The following DNAJC25 variants were observed in gnomAD, a reference collection of about 807,000 sequenced individuals.
DNAJC25 encodes the protein DnaJ heat shock protein family (Hsp40) member C25, also known as dnaJ homolog subfamily C member 25.
In DNAJC25, 26 loss-of-function variants were observed where a neutral mutation model predicts 42.1. The ratio of observed to expected loss-of-function variants is 0.62; its 90% confidence interval spans 0.45 to 0.86. The LOEUF is 0.86. Ranked by LOEUF, DNAJC25 falls within the 40% of genes least tolerant of loss-of-function variation. DNAJC25 has a pLI of 0.00. For missense variants in DNAJC25, 404 were observed against 459.4 expected, an observed-to-expected ratio of 0.88 and a Z score of 1.10; for synonymous variants, 189 against 179.9, an observed-to-expected ratio of 1.05 and a Z score of -0.40.
At chr9:111,635,341 A>G (rs1403271076) in intron 1 of DNAJC25, among the ~76,000 whole-genome samples, 1 of 152,228 alleles carries the variant, frequency 6.6e-6, no homozygotes, top group African/African-American at 2.4e-5. Context: ...TTCAGATAGA[A>G]TGGAAATGGA....
intron 1 of DNAJC25, chr9:111,642,769 C>CCTT (rs1830502260): frequency 4.4e-6 from 2 of 458,786 alleles, no homozygotes; most frequent in African/African-American, 4.0e-5. Flanking sequence ...GGGGGGATGA[C>CCTT]CCTTTAAGAG....
At chr9:111,646,945 G>T in intron 1 of DNAJC25, 162 bp from the exon 2 acceptor site, 2 of 688,974 alleles carry the variant, frequency 2.9e-6, no homozygotes, top group South Asian at 8.8e-5. Context: ...AATTTACATG[G>T]CTTTGAAGAG....
In DNAJC25 at chr9:111,632,346, C is replaced by G. The variant is rs904717378; in HGVS notation, c.336+603C>G. 3.3e-5 allele frequency among the ~76,000 whole-genome samples: 5 copies of G among 152,140 alleles called. No homozygotes were observed. In the South Asian group the frequency reaches 8.3e-4, roughly 25 times the overall value. The stretch of plus-strand genomic sequence containing the variant: ...ATATGCAAAATTAAGGCCATGATAC[C>G]TCCTCTCAGAGTTATTATGGGGATT... On this transcript the variant is annotated intron_variant, in intron 1 of 3. Coordinates refer to ENST00000313525, the MANE Select transcript of DNAJC25 (RefSeq NM_001015882.3).
Position 111,647,192 on chromosome 9 carries a change from G to T in DNAJC25, c.422G>T (p.Arg141Leu). 1 of 1,614,144 alleles carries T rather than the reference G, an allele frequency of 6.2e-7. No homozygotes were observed. Among genetic ancestry groups the T allele is most frequent in the Non-Finnish European group, 8.5e-7 (1 of 1,180,032 alleles). ...CATTACTACCACTACTATAGCAGGC[G>T]CTTGGCCCCTAAGGTGGATGTTAGA... ...YSHYYHYYSRRLAPKVDVRVV... is the reference protein window; with the variant it reads ...YSHYYHYYSRLLAPKVDVRVV... The change falls in exon 2 of 4, where the codon CGC (arginine) becomes CTC (leucine). Residue 141 changes from arginine to leucine, a missense_variant. Physicochemically the swap from Arg to Leu is moderately radical, Grantham distance 102 (BLOSUM62 -2). Transcript: ENST00000313525.
intron 1 of DNAJC25, among the ~76,000 whole-genome samples, chr9:111,638,655 TCAA>T (rs905997845): frequency 1.3e-5 from 2 of 152,192 alleles, no homozygotes; most frequent in Non-Finnish European, 2.9e-5. Context: ...GGTATCATGT[TCAA>T]CATCTCCTTT....
At position 111,631,605 on chromosome 9, in the gene DNAJC25, G is replaced by A. The variant is rs1346957277; in HGVS notation, c.198G>A (p.Ala66=). Residue 66 remains alanine (A), a synonymous_variant, in exon 1 of 4, where the codon GCG becomes GCA. Transcript: ENST00000313525. ...GCTCGGCGGGCAAGGCGGAGATCGC[G>A]CGGGCCTACCGCCAGCTGGCCCGGC... ...VSRSAGKAEI[A]RAYRQLARRY... 1 of 1,484,758 alleles carries A rather than the reference G, an allele frequency of 6.7e-7. No individual in the cohort carries two copies. The highest frequency in any genetic ancestry group is 8.9e-7 in the Non-Finnish European group (1 of 1,125,586). The allele number at this position is 1,484,758 out of a possible 1,614,324, so 92.0% of individuals were successfully genotyped here. A position where few individuals can be genotyped will look rare whatever the true frequency, so the allele number is the denominator to read the frequency against.
At chr9:111,651,560 G>C (rs1830661631) in intron 3 of DNAJC25, among the ~76,000 whole-genome samples, 1 of 152,086 alleles carries the variant, frequency 6.6e-6, no homozygotes, top group South Asian at 2.1e-4. Context: ...AAGACAGCTT[G>C]TTCATTTTGC....
At chr9:111,632,607 C>T (rs1051795900) in intron 1 of DNAJC25, among the ~76,000 whole-genome samples, 3 of 152,004 alleles carry the variant, frequency 2.0e-5, no homozygotes, top group Non-Finnish European at 2.9e-5. Context: ...ATAAATCGTA[C>T]TTGATGGTGG....
At chr9:111,644,941 G>A (rs1547089) in intron 1 of DNAJC25, among the ~76,000 whole-genome samples, 64,140 of 152,024 alleles carry the variant, frequency 0.42, 16,032 homozygotes, top group African/African-American at 0.68. Flanking sequence ...TCTAGGTTAG[G>A]AGCTCTGGAA....
At chr9:111,633,322 AT>A (rs1163863113) in intron 1 of DNAJC25, among the ~76,000 whole-genome samples, 1 of 152,198 alleles carries the variant, frequency 6.6e-6, no homozygotes, top group Non-Finnish European at 1.5e-5. Flanking sequence ...TGGTGCTTGA[AT>A]TTAGGTTGAG....
intron 3 of DNAJC25, 38 bp from the exon 4 acceptor site, chr9:111,653,062 T>C: frequency 6.6e-7 from 1 of 1,522,978 alleles, no homozygotes; most frequent in South Asian, 1.3e-5. Flanking sequence ...AATGTTCCTC[T>C]TTGGATTGTG....
chr9:111,641,496 T>A (rs1366489260), intron 1 of DNAJC25, among the ~76,000 whole-genome samples: 4 of 70,262 alleles, frequency 5.7e-5, no homozygotes, highest in Non-Finnish European at 7.8e-5. Context: ...GGAGCCCCTC[T>A]GCCCGGCCAG....
chr9:111,640,808 G>A (rs1430201441), intron 1 of DNAJC25, among the ~76,000 whole-genome samples: 16 of 126,256 alleles, frequency 1.3e-4, no homozygotes, highest in African/African-American at 3.5e-4. Context: ...GTCTCCGCCC[G>A]GCAGCCACCC....
intron 1 of DNAJC25, among the ~76,000 whole-genome samples, chr9:111,645,086 T>C (rs1830547653): frequency 6.6e-6 from 1 of 152,188 alleles, no homozygotes; most frequent in Non-Finnish European, 1.5e-5. Context: ...AGCTCACACC[T>C]CGTTGTATAA....
chr9:111,641,238 C>T (rs1349639400), intron 1 of DNAJC25, among the ~76,000 whole-genome samples: 20 of 144,354 alleles, frequency 1.4e-4, no homozygotes, highest in South Asian at 2.2e-4. Flanking sequence ...GGGGGTCAGC[C>T]CTCCCCCCGG....
rs778671787 is a variant in DNAJC25, at chr9:111,649,731, A to G, written c.768A>G (p.Leu256=). The change falls in exon 3 of 4, where the codon CTA becomes CTG. Residue 256 remains leucine (L), a synonymous_variant. Coordinates refer to ENST00000313525, the MANE Select transcript of DNAJC25 (RefSeq NM_001015882.3). ...LFQIILAPFH[L]CSYIVWYCRW... Reference sequence around the variant, plus strand: ...AAATTATCTTAGCTCCTTTTCACCTATGCTCATATATAGTTTGGTATTGTC... The same window carrying G: ...AAATTATCTTAGCTCCTTTTCACCTGTGCTCATATATAGTTTGGTATTGTC... 3.7e-6 allele frequency: 6 copies of G among 1,614,048 alleles called. No individual in the cohort carries two copies. The highest frequency in any genetic ancestry group is 5.1e-6 in the Non-Finnish European group (6 of 1,180,024).
Position 111,653,354 on chromosome 9 carries a change from T to G in DNAJC25, c.*132T>G. 1.8e-6 allele frequency: 2 copies of G among 1,105,562 alleles called. No homozygotes were observed. The highest frequency in any genetic ancestry group is 2.4e-6 in the Non-Finnish European group (2 of 848,412). The allele number at this position is 1,105,562 out of a possible 1,614,324, so 68.5% of individuals were successfully genotyped here. On this transcript the variant is annotated 3_prime_UTR_variant, in exon 4 of 4. Coordinates refer to ENST00000313525, the MANE Select transcript of DNAJC25 (RefSeq NM_001015882.3). ...TCCTCAAGTATTTGATTAAACAGAA[T>G]AATGTCAAAATTTAAACCTTCCCTT...
chr9:111,652,446 C>G (rs901500569), intron 3 of DNAJC25, among the ~76,000 whole-genome samples: 10 of 140,754 alleles, frequency 7.1e-5, no homozygotes, highest in African/African-American at 2.7e-4. Context: ...ATCCAGGAGG[C>G]AGAGATTGCA....
At chr9:111,634,450 T>G (rs1210885351) in intron 1 of DNAJC25, among the ~76,000 whole-genome samples, 2 of 152,186 alleles carry the variant, frequency 1.3e-5, no homozygotes, top group African/African-American at 4.8e-5. Flanking sequence ...GCAATGGAGA[T>G]GTAATGGCTG....
Sources: gnomAD v4.1 joint callset for allele counts (sites outside exome capture counted in the v4.1 genomes callset) on GRCh38, gnomAD v4.1.1 for gene constraint, MANE v1.5 for transcripts, NCBI Gene and HGNC (gene_info 2026-07-23, HGNC 2026-07-21) for gene names.